SRGAP3: variants seen among roughly 807,000 people sequenced by gnomAD.
The protein encoded by SRGAP3 is SLIT-ROBO Rho GTPase activating protein 3.
A neutral mutation model predicts 121.1 loss-of-function variants in SRGAP3; 39 were observed. That is an observed-to-expected ratio of 0.32 (90% CI 0.25 to 0.42). The LOEUF (loss-of-function observed/expected upper bound fraction) is 0.42. SRGAP3 is among the 10% of genes least tolerant of loss of function. SRGAP3 has a pLI of 1.00. For synonymous variants in SRGAP3, 601 were observed against 570.0 expected (o/e 1.05, Z -0.77); for missense variants, 1,213 against 1,470.6 (o/e 0.82, Z 2.86).
chr3:9,015,658 G>A lies in SRGAP3; in HGVS notation c.1752C>T (p.Phe584=), dbSNP rs1465850799. ...NSVAGVLKLY[F]RGLENPLFPK... is the part of the protein sequence containing the mutation. ...GAAAGAGTGGGTTTTCCAGTCCTCG[G>A]AAATACAGTTTTAAAACACCAGCGA... Residue 584 remains phenylalanine (F), a synonymous_variant, in exon 15 of 22, where the codon TTC becomes TTT. Transcript: ENST00000383836. 1 of 1,613,344 alleles carries A rather than the reference G, an allele frequency of 6.2e-7. No homozygotes were observed. The highest frequency in any genetic ancestry group is 2.2e-5 in the East Asian group (1 of 44,828).
intron 3 of SRGAP3, among the ~76,000 whole-genome samples, chr3:9,286,250 A>G (rs1954768438): frequency 6.6e-6 from 1 of 151,874 alleles, no homozygotes; most frequent in South Asian, 2.1e-4. Context: ...CTTCTCGTTT[A>G]TCTGTCTTTT....
chr3:9,348,965 G>A (rs141006106), intron 1 of SRGAP3: 2 of 928,100 alleles, frequency 2.2e-6, no homozygotes, highest in Non-Finnish European at 3.6e-6. Context: ...CCAGATCAAG[G>A]AGGGGAAGCA....
intron 7 of SRGAP3, 147 bp from the exon 8 acceptor site, chr3:9,056,481 CTCATAAGT>C (rs1485956073): frequency 1.2e-6 from 1 of 812,262 alleles, no homozygotes; most frequent in Non-Finnish European, 2.0e-6. Flanking sequence ...GGTCACAGAG[CTCATAAGT>C]GGCCGTGGCA....
At chr3:9,069,475 G>C (rs1946583603) in intron 4 of SRGAP3, among the ~76,000 whole-genome samples, 4 of 152,164 alleles carry the variant, frequency 2.6e-5, no homozygotes, top group Non-Finnish European at 5.9e-5. Context: ...TGCCAGGGAA[G>C]GGATTCACTT....
intron 3 of SRGAP3, among the ~76,000 whole-genome samples, chr3:9,260,912 C>T (rs995147351): frequency 6.6e-6 from 1 of 152,238 alleles, no homozygotes; most frequent in Non-Finnish European, 1.5e-5. Context: ...CGGGGAGACA[C>T]CTCCCAGCAG....
chr3:9,240,215 A>G (rs979665215), intron 1 of SRGAP3, among the ~76,000 whole-genome samples: 9 of 152,232 alleles, frequency 5.9e-5, no homozygotes, highest in African/African-American at 2.2e-4. Flanking sequence ...TGATTCAACA[A>G]ACTGAGGGAA....
intron 5 of SRGAP3, among the ~76,000 whole-genome samples, chr3:9,062,955 A>G (rs1378512169): frequency 6.6e-6 from 1 of 152,186 alleles, no homozygotes; most frequent in African/African-American, 2.4e-5. Context: ...CCAAAGTGAT[A>G]GAATCACTGT....
intron 1 of SRGAP3, among the ~76,000 whole-genome samples, chr3:9,244,870 C>G (rs1390129590): frequency 6.6e-6 from 1 of 152,230 alleles, no homozygotes; most frequent in Non-Finnish European, 1.5e-5. Context: ...TCATTTTCTT[C>G]TCTCTGACAA....
At chr3:9,097,699 T>C (rs993230231) in intron 3 of SRGAP3, among the ~76,000 whole-genome samples, 1 of 152,196 alleles carries the variant, frequency 6.6e-6, no homozygotes, top group African/African-American at 2.4e-5. Flanking sequence ...GTGCTGCCAA[T>C]GGACTCCCTC....
chr3:9,120,802 G>A (rs1948977970), intron 2 of SRGAP3, among the ~76,000 whole-genome samples: 2 of 152,132 alleles, frequency 1.3e-5, no homozygotes, highest in Non-Finnish European at 2.9e-5. Context: ...TTCTCTAAAT[G>A]TTAACCTGTC....
intron 21 of SRGAP3, among the ~76,000 whole-genome samples, chr3:8,989,550 G>A (rs1274842804): frequency 6.6e-6 from 1 of 152,152 alleles, no homozygotes; most frequent in Non-Finnish European, 1.5e-5. Context: ...AATTCTCACA[G>A]ACCAGAAGGT....
exon 3 of SRGAP3, chr3:9,326,167 T>C (rs556102427): frequency 6.6e-6 from 1 of 151,992 alleles, no homozygotes; most frequent in East Asian, 1.9e-4. Flanking sequence ...AATCTTTGGG[T>C]TCTAGATTGT....
At chr3:9,032,840 G>A (rs533803257) in intron 11 of SRGAP3, 88 bp from the exon 12 acceptor site, 27 of 1,203,584 alleles carry the variant, frequency 2.2e-5, no homozygotes, top group Non-Finnish European at 3.3e-5. Context: ...CACGACTAAA[G>A]GGGAACACAA....
intron 1 of SRGAP3, among the ~76,000 whole-genome samples, chr3:9,240,640 G>A (rs1480796501): frequency 3.3e-5 from 5 of 152,088 alleles, no homozygotes; most frequent in Admixed American, 1.3e-4. Context: ...ACCTTCCACC[G>A]TCATGGAGAG....
At chr3:9,071,107 G>C (rs983831636) in intron 4 of SRGAP3, among the ~76,000 whole-genome samples, 1 of 152,088 alleles carries the variant, frequency 6.6e-6, no homozygotes, top group Non-Finnish European at 1.5e-5. Context: ...CAGGACTGGG[G>C]AGCAGCTGAA....
Position 9,119,844 on chromosome 3 carries a change from C to G in SRGAP3, c.260+4881G>C, listed in dbSNP as rs531963317. Among the ~76,000 whole-genome samples, 15 of 152,354 alleles carry G rather than the reference C, an allele frequency of 9.8e-5. No homozygotes were observed. The East Asian group carries it at 2.7e-3, about 27-fold the overall frequency. ...CTACTAGCCGTCCCCATGGAGGAAC[C>G]AGGCATGCGAGTAAAGCTCTCTGGG... On this transcript the variant is annotated intron_variant, in intron 2 of 21. Coordinates refer to ENST00000383836, the MANE Select transcript of SRGAP3 (RefSeq NM_014850.4).
At chr3:9,267,077 G>T (rs969785144) in intron 3 of SRGAP3, among the ~76,000 whole-genome samples, 3 of 152,090 alleles carry the variant, frequency 2.0e-5, no homozygotes, top group Non-Finnish European at 4.4e-5. Flanking sequence ...TGCAAGTAAG[G>T]GTTCCTCCTG....
chr3:9,340,270 C>T (rs1464245504), intron 1 of SRGAP3, among the ~76,000 whole-genome samples: 1 of 152,166 alleles, frequency 6.6e-6, no homozygotes, highest in Non-Finnish European at 1.5e-5. Flanking sequence ...TGGCACTATT[C>T]CTCCAAAGAG....
intron 1 of SRGAP3, chr3:9,350,107 T>G (rs1166855558): frequency 6.6e-6 from 1 of 152,236 alleles, no homozygotes; most frequent in Non-Finnish European, 1.5e-5. Flanking sequence ...TTTCATTTAT[T>G]ATAGTCCTGA....
Sources: allele counts gnomAD v4.1 joint callset (sites outside exome capture counted in the v4.1 genomes callset), GRCh38; gene constraint gnomAD v4.1.1; transcripts MANE v1.5; gene names NCBI Gene and HGNC (gene_info 2026-07-23, HGNC 2026-07-21).